The following ABLIM1 variants were observed in gnomAD, a reference collection of about 807,000 sequenced individuals.
The protein encoded by ABLIM1 is actin binding LIM protein 1.
A neutral mutation model predicts 107.0 loss-of-function variants in ABLIM1; 40 were observed. The observed-to-expected ratio is 0.37, with a 90% CI of 0.29 to 0.49. ABLIM1 has a LOEUF of 0.49. Ranked by LOEUF, ABLIM1 falls within the 20% of genes least tolerant of loss-of-function variation. The probability of loss-of-function intolerance (pLI) is 0.97; values close to 1 mark genes in which losing one functional copy is unlikely to be tolerated. For synonymous variants in ABLIM1, 357 were observed against 357.3 expected (o/e 1.00, Z 0.01); for missense variants, 857 against 1,008.5 (o/e 0.85, Z 2.04).
chr10:114,461,617 G>A (rs2063933554), intron 12 of ABLIM1, among the ~76,000 whole-genome samples: 1 of 152,072 alleles, frequency 6.6e-6, no homozygotes, highest in Admixed American at 6.6e-5. Flanking sequence ...CCAGGAGTTT[G>A]AGACCAGCCT....
chr10:114,519,421 T>C (rs981987523), intron 6 of ABLIM1, among the ~76,000 whole-genome samples: 5 of 152,174 alleles, frequency 3.3e-5, no homozygotes, highest in Non-Finnish European at 7.3e-5. Flanking sequence ...TGCAGCCTTT[T>C]TTCCCCGCCC....
intron 1 of ABLIM1, among the ~76,000 whole-genome samples, chr10:114,723,056 A>G (rs2081884635): frequency 6.6e-6 from 1 of 152,212 alleles, no homozygotes; most frequent in Non-Finnish European, 1.5e-5. Flanking sequence ...TTGTACCTCC[A>G]GCACCTAGCT....
chr10:114,571,795 G>C (rs1358858277), intron 3 of ABLIM1, among the ~76,000 whole-genome samples: 1 of 152,174 alleles, frequency 6.6e-6, no homozygotes, highest in Non-Finnish European at 1.5e-5. Context: ...CCCTGCCCCA[G>C]GAGACCTGGC....
chr10:114,711,737 G>A (rs2081552803), intron 1 of ABLIM1, among the ~76,000 whole-genome samples: 1 of 152,140 alleles, frequency 6.6e-6, no homozygotes, highest in Non-Finnish European at 1.5e-5. Flanking sequence ...GTAGCTGAGT[G>A]GAGAGGGAGG....
At chr10:114,634,115 T>C (rs893372463) in intron 1 of ABLIM1, among the ~76,000 whole-genome samples, 2 of 128,732 alleles carry the variant, frequency 1.6e-5, no homozygotes, top group African/African-American at 5.7e-5. Flanking sequence ...GTAAATGCCA[T>C]TAGCTCAATT....
At chr10:114,679,340 AT>A (rs1555222859) in intron 1 of ABLIM1, among the ~76,000 whole-genome samples, 2 of 40,370 alleles carry the variant, frequency 5.0e-5, no homozygotes, top group Non-Finnish European at 1.5e-4. Context: ...CAAGTTAGAA[AT>A]ATCTTAAACC....
chr10:114,633,879 T>C (rs1020402309), intron 1 of ABLIM1, among the ~76,000 whole-genome samples: 3 of 152,020 alleles, frequency 2.0e-5, no homozygotes, highest in African/African-American at 4.8e-5. Context: ...GGTGAATCTA[T>C]TTTATTATAT....
intron 6 of ABLIM1, among the ~76,000 whole-genome samples, chr10:114,502,847 A>G (rs909922080): frequency 6.6e-6 from 1 of 152,108 alleles, no homozygotes; most frequent in Non-Finnish European, 1.5e-5. Context: ...AATGCAACAT[A>G]CTCTATAACC....
intron 1 of ABLIM1, among the ~76,000 whole-genome samples, chr10:114,675,895 T>G (rs1248662583): frequency 1.3e-5 from 2 of 152,332 alleles, no homozygotes. Context: ...GGTTCTCTTG[T>G]GTCTTTATGC....
At chr10:114,491,010 G>GTATATATATATATATATATA (rs1484101683) in intron 7 of ABLIM1, among the ~76,000 whole-genome samples, 1 of 89,196 alleles carries the variant, frequency 1.1e-5, no homozygotes, top group African/African-American at 5.2e-5. Context: ...GTGTGTGTGT[G>GTATATATATATATATATATA]TGTATATATA....
At chr10:114,618,391 C>G (rs2077261728) in intron 1 of ABLIM1, among the ~76,000 whole-genome samples, 1 of 152,174 alleles carries the variant, frequency 6.6e-6, no homozygotes, top group Non-Finnish European at 1.5e-5. Flanking sequence ...TTCCAATGCT[C>G]AAACTCACCA....
At position 114,632,774 on chromosome 10, in the gene ABLIM1, C is replaced by A. The variant is rs1028005989; in HGVS notation, c.244+25183G>T. 1.3e-5 allele frequency: 13 copies of A among 985,274 alleles called. No individual in the cohort carries two copies. The African/African-American group carries it at 2.3e-4, about 17-fold the overall frequency. 61.0% of individuals were successfully genotyped at this position (985,274 alleles called of 1,614,324 possible). ...TGTTTCATCGGAGTTTTTAGACAAG[C>A]CCCTTGGATGTGCATATACCAGGGA... On this transcript the variant is annotated intron_variant, in intron 1 of 22. Coordinates refer to ENST00000533213, the MANE Select transcript of ABLIM1 (RefSeq NM_002313.7).
At chr10:114,773,793 A>G in the ABLIM1 span, among the ~76,000 whole-genome samples, 1 of 151,924 alleles carries the variant, frequency 6.6e-6, no homozygotes, top group Admixed American at 6.6e-5. Flanking sequence ...GGCAAGATAG[A>G]TATTTTAAGA....
At chr10:114,702,652 G>A (rs945039064) in intron 1 of ABLIM1, among the ~76,000 whole-genome samples, 5 of 149,748 alleles carry the variant, frequency 3.3e-5, no homozygotes, top group Admixed American at 1.3e-4. Context: ...TCAGCCTCCC[G>A]AGTAGCTGGG....
intron 1 of ABLIM1, chr10:114,631,937 G>A (rs1420969511): frequency 6.1e-6 from 8 of 1,304,242 alleles, no homozygotes; most frequent in South Asian, 3.7e-5. Context: ...GTCCTCCGAC[G>A]AGCAGGACTG....
the ABLIM1 span, among the ~76,000 whole-genome samples, chr10:114,792,574 T>C: frequency 1.3e-5 from 2 of 152,168 alleles, no homozygotes; most frequent in African/African-American, 4.8e-5. Flanking sequence ...GCTTTGTGGT[T>C]CCCCTACCTC....
chr10:114,742,124 G>A (rs2082300471), intron 1 of ABLIM1, among the ~76,000 whole-genome samples: 1 of 152,130 alleles, frequency 6.6e-6, no homozygotes, highest in South Asian at 2.1e-4. Context: ...GCTAACCTTG[G>A]CAGAAAGCTA....
chr10:114,553,505 C>A (rs190812311), intron 4 of ABLIM1, among the ~76,000 whole-genome samples: 29 of 152,294 alleles, frequency 1.9e-4, no homozygotes, highest in African/African-American at 7.0e-4. Context: ...ATGGCCTACC[C>A]AACTCTGGAA....
intron 1 of ABLIM1, among the ~76,000 whole-genome samples, chr10:114,737,757 C>T (rs1487263157): frequency 6.6e-6 from 1 of 152,144 alleles, no homozygotes; most frequent in Non-Finnish European, 1.5e-5. Flanking sequence ...CAAAGAGTTT[C>T]AAATGATTAT....
Sources: gnomAD v4.1 joint callset for allele counts (sites outside exome capture counted in the v4.1 genomes callset) on GRCh38, gnomAD v4.1.1 for gene constraint, MANE v1.5 for transcripts, NCBI Gene and HGNC (gene_info 2026-07-23, HGNC 2026-07-21) for gene names.